Variants in SPNS2 observed in about 807,000 individuals in gnomAD.
SPNS2 encodes the protein SPNS lysolipid transporter 2, sphingosine-1-phosphate.
In SPNS2, 37 loss-of-function variants were observed where a neutral mutation model predicts 57.6. That is an observed-to-expected ratio of 0.64 (90% CI 0.49 to 0.85). The LOEUF (loss-of-function observed/expected upper bound fraction) is 0.85, where lower values mean the gene tolerates loss of function less well. Ranked by LOEUF, SPNS2 falls within the 40% of genes least tolerant of loss-of-function variation. SPNS2 has a pLI of 0.00. For synonymous variants in SPNS2, 440 were observed against 346.9 expected (o/e 1.27, Z -2.98); for missense variants, 831 against 779.1 (o/e 1.07, Z -0.79).
At position 4,498,932 on chromosome 17, in the gene SPNS2, C is replaced by G; in HGVS notation, c.-116C>G. The G allele has an allele frequency of 1.1e-5, 6 of 549,830 alleles. No homozygotes were observed. The highest frequency in any genetic ancestry group is 1.4e-5 in the Non-Finnish European group (6 of 432,402). The allele number at this position is 549,830 out of a possible 1,614,324, so 34.1% of individuals were successfully genotyped here. A position where few individuals can be genotyped will look rare whatever the true frequency, so the allele number is the denominator to read the frequency against. ...GCAGCCGGGGCCGGAGCGCAGGAGC[C>G]GACGGGGCCCGACCAGGATGGTGCA... On this transcript the variant is annotated 5_prime_UTR_variant, in exon 1 of 13. Transcript: ENST00000329078.
chr17:4,534,206 CCT>C (rs1280619633), intron 9 of SPNS2, among the ~76,000 whole-genome samples: 1 of 152,174 alleles, frequency 6.6e-6, no homozygotes, highest in African/African-American at 2.4e-5. Flanking sequence ...TAGGCTCTGC[CCT>C]CTCTACTCAG....
chr17:4,533,063 A>C lies in SPNS2; in HGVS notation c.1022A>C (p.His341Pro), dbSNP rs1373724510. Residue 341 changes from histidine (H) to proline (P), a missense_variant, in exon 7 of 13, where the codon CAC (histidine) becomes CCC (proline). Transcript: ENST00000329078. Reference sequence around the variant, plus strand: ...GGCATGTGGATCCCGCTCTACCTGCACCGCGCCCAAGTTGTGCAGAAGACA... The same window carrying C: ...GGCATGTGGATCCCGCTCTACCTGCCCCGCGCCCAAGTTGTGCAGAAGACA... ...ALGMWIPLYLHRAQVVQKTAE... is the reference protein window; with the variant it reads ...ALGMWIPLYLPRAQVVQKTAE... 6.2e-7 allele frequency: 1 copy of C among 1,613,160 alleles called. No individual in the cohort carries two copies.
intron 2 of SPNS2, among the ~76,000 whole-genome samples, chr17:4,515,196 G>A (rs533728154): frequency 3.9e-5 from 6 of 152,254 alleles, no homozygotes; most frequent in South Asian, 2.1e-4. Flanking sequence ...AAGTCACTCC[G>A]TCCCTCCTCA....
Position 4,499,935 on chromosome 17 carries a change from T to C in SPNS2, c.370+518T>C, listed in dbSNP as rs980617266. Among the ~76,000 whole-genome samples the C allele has an allele frequency of 6.6e-6, 1 of 151,944 alleles. No homozygotes were observed. Among genetic ancestry groups the C allele is most frequent in the Non-Finnish European group, 1.5e-5 (1 of 67,940 alleles). ...GTGTGCGCTAGGGAGACCGGGTGTG[T>C]GTGCGCGTGGCGGCGCGGTTGTGTG... is the stretch of plus-strand genomic sequence containing the variant. On this transcript the variant is annotated intron_variant, in intron 1 of 12. Coordinates refer to ENST00000329078, the MANE Select transcript of SPNS2 (RefSeq NM_001124758.3). This position sits in a 1 kb window ranked among gnomAD's most constrained non-coding sequence, Gnocchi z 5.2.
chr17:4,521,409 C>T (rs1034034380), intron 2 of SPNS2, among the ~76,000 whole-genome samples: 3 of 152,212 alleles, frequency 2.0e-5, no homozygotes, highest in African/African-American at 7.2e-5. Flanking sequence ...TAATTTCTGC[C>T]TTGACTAATT....
rs181312075 is a variant in SPNS2 at position 4,528,531 on chromosome 17, C to T, written c.574-2101C>T. On this transcript the variant is annotated intron_variant, in intron 3 of 12. Coordinates refer to ENST00000329078, the MANE Select transcript of SPNS2 (RefSeq NM_001124758.3). ...AGGCTGGAGTGCAGTGGCACAATCT[C>T]GGCTCACTGCAACCTCTGCCACCCC... 2.3e-4 allele frequency among the ~76,000 whole-genome samples: 35 copies of T among 150,674 alleles called. No individual in the cohort carries two copies. In the East Asian group the frequency reaches 5.6e-3, roughly 24 times the overall value.
rs745328645 is a variant in SPNS2 at position 4,533,293 on chromosome 17, C to T, written c.1139C>T (p.Thr380Met). The change falls in exon 8 of 13, where the codon ACG becomes ATG. Residue 380 changes from threonine (T) to methionine (M), a missense_variant. Thr to Met is a moderately conservative substitution (Grantham distance 81, BLOSUM62 -1). Transcript: ENST00000329078. ...TCFTGFLGVV[T>M]GAGATRWCRL... The stretch of plus-strand genomic sequence containing the variant: ...TTTACGGGATTTCTGGGCGTGGTCA[C>T]GGGGGCAGGAGCCACGCGCTGGTGC... 4.5e-5 allele frequency: 73 copies of T among 1,610,524 alleles called. 1 individual carries two copies. The highest frequency in any genetic ancestry group is 1.9e-4 in the South Asian group (17 of 90,832).
In SPNS2 at chr17:4,533,102, A is replaced by G. The variant is rs767479513; in HGVS notation, c.1061A>G (p.Asn354Ser). ...QVVQKTAETC[N>S]SPPCGAKDSL... is the part of the protein sequence containing the mutation. Reference sequence around the variant, plus strand: ...GTGCAGAAGACAGCAGAGACGTGCAACAGCCCGCCCTGTGGGGCCAAGGAC... The same window carrying G: ...GTGCAGAAGACAGCAGAGACGTGCAGCAGCCCGCCCTGTGGGGCCAAGGAC... Residue 354 changes from asparagine (N) to serine (S), a missense_variant, in exon 7 of 13, where the codon AAC becomes AGC. Asn to Ser is a conservative substitution (Grantham distance 46). This residue lies in a region of SPNS2 where 526 missense variants were observed against 400.9 expected (regional missense o/e 1.31). Transcript: ENST00000329078. 6.2e-7 allele frequency: 1 copy of G among 1,612,366 alleles called. No homozygotes were observed.
intron 2 of SPNS2, among the ~76,000 whole-genome samples, chr17:4,523,137 G>A (rs188460733): frequency 5.9e-5 from 9 of 152,248 alleles, no homozygotes; most frequent in South Asian, 4.2e-4. Flanking sequence ...CACTTTGACC[G>A]CTCAATTTAA....
chr17:4,536,810 G>C, intron 11 of SPNS2, 90 bp from the exon 12 acceptor site: 3 of 1,096,680 alleles, frequency 2.7e-6, no homozygotes, highest in African/African-American at 1.5e-5. Flanking sequence ...CCTCCGGTCA[G>C]CTGGCCCCCA....
chr17:4,501,695 T>C (rs1242972293), intron 1 of SPNS2, among the ~76,000 whole-genome samples: 2 of 152,186 alleles, frequency 1.3e-5, no homozygotes, highest in Non-Finnish European at 2.9e-5. Context: ...TTATTATCTC[T>C]ATGGTAACTA....
chr17:4,536,640 G>A (rs760311708), intron 11 of SPNS2: 5 of 692,056 alleles, frequency 7.2e-6, no homozygotes, highest in African/African-American at 7.2e-5. Context: ...ATCCAGACTT[G>A]GGTTTGTCTC....
In SPNS2 at chr17:4,499,014, C is replaced by A; in HGVS notation, c.-34C>A. On this transcript the variant is annotated 5_prime_UTR_variant, in exon 1 of 13. Coordinates refer to ENST00000329078, the MANE Select transcript of SPNS2 (RefSeq NM_001124758.3). The surrounding 1 kb of genome is among the most constrained non-coding windows in gnomAD (Gnocchi z 5.2). ...GCGGGCCCAGCCTGGGCCCCGCGCC[C>A]CCCGCGCCCCCCGCCGCCCCGATCC... is the stretch of plus-strand genomic sequence containing the variant. 1.0e-5 allele frequency: 10 copies of A among 992,992 alleles called. No individual in the cohort carries two copies. The highest frequency in any genetic ancestry group is 1.2e-5 in the Non-Finnish European group (10 of 835,756). 61.5% of individuals were successfully genotyped at this position (992,992 alleles called of 1,614,324 possible).
intron 11 of SPNS2, 109 bp downstream of exon 11, chr17:4,536,535 G>A (rs1021567134): frequency 7.8e-6 from 10 of 1,288,144 alleles, no homozygotes; most frequent in Non-Finnish European, 1.1e-5. Flanking sequence ...GACCTCCCAT[G>A]CACTCAGTGC....
chr17:4,532,497 G>A (rs757918496), intron 5 of SPNS2, 45 bp from the exon 6 acceptor site: 41 of 1,613,660 alleles, frequency 2.5e-5, no homozygotes, highest in African/African-American at 5.3e-5. Context: ...CAGCAGGGAC[G>A]AGGCTCACTG....
chr17:4,531,150 C>T (rs768984581), intron 5 of SPNS2, 31 bp downstream of exon 5: 2 of 1,609,234 alleles, frequency 1.2e-6, no homozygotes, highest in South Asian at 1.1e-5. Context: ...CATGAGGACA[C>T]CCTCCGGTCC....
intron 3 of SPNS2, among the ~76,000 whole-genome samples, chr17:4,526,309 G>C (rs1905260685): frequency 6.6e-6 from 1 of 152,162 alleles, no homozygotes; most frequent in Non-Finnish European, 1.5e-5. Flanking sequence ...TGTGTTGAAA[G>C]ATTGAGGATT....
rs752997754 is a variant in SPNS2 at position 4,536,962 on chromosome 17, GA to G, written c.*4+17del. The G allele has an allele frequency of 1.2e-6, 2 of 1,612,166 alleles. No homozygotes were observed. Among genetic ancestry groups the G allele is most frequent in the South Asian group, 1.1e-5 (1 of 90,834 alleles). On this transcript the variant is annotated intron_variant, in intron 12 of 12. Coordinates refer to ENST00000329078, the MANE Select transcript of SPNS2 (RefSeq NM_001124758.3). ...GTCTGAGGTGGTGAGTGCAGGCCGGGAGGCACGTGGGGGCTCCCTAAGGAAA... is the reference window on the plus strand; with the variant it reads ...GTCTGAGGTGGTGAGTGCAGGCCGGGGGCACGTGGGGGCTCCCTAAGGAAA...
intron 9 of SPNS2, among the ~76,000 whole-genome samples, chr17:4,535,010 C>G (rs997079040): frequency 6.6e-6 from 1 of 152,184 alleles, no homozygotes; most frequent in African/African-American, 2.4e-5. Flanking sequence ...CCCTTTTCCA[C>G]CCGCCCCCCA....
Sources: allele counts gnomAD v4.1 joint callset (sites outside exome capture counted in the v4.1 genomes callset), GRCh38; gene constraint gnomAD v4.1.1; regional missense constraint gnomAD v4.1.1; non-coding constraint Gnocchi (gnomAD v3.1); transcripts MANE v1.5; gene names NCBI Gene and HGNC (gene_info 2026-07-23, HGNC 2026-07-21).